OR2B2: variants seen among roughly 807,000 people sequenced by gnomAD.
OR2B2 encodes olfactory receptor 2B2.
For synonymous variants in OR2B2, 137 were observed against 150.9 expected, an observed-to-expected ratio of 0.91 and a Z score of 0.67; for missense variants, 362 against 422.4, an observed-to-expected ratio of 0.86 and a Z score of 1.25.
In OR2B2 at chr6:27,912,177, A is replaced by G; in HGVS notation, c.143T>C (p.Val48Ala). ...GTGGAGTTTGAAATCCACATGTGAC[A>G]CAAGAATTATTGTCAGATTGCCAAA... ...TIFGNLTIIL[V>A]SHVDFKLHTP... The change falls in exon 1 of 1, where the codon GTG becomes GCG. Residue 48 changes from valine to alanine, a missense_variant. Physicochemically the swap from Val to Ala is moderately conservative, Grantham distance 64. Coordinates refer to ENST00000303324, the MANE Select transcript of OR2B2 (RefSeq NM_033057.2). 4.3e-6 allele frequency: 7 copies of G among 1,614,256 alleles called. No homozygotes were observed. Among genetic ancestry groups the G allele is most frequent in the Non-Finnish European group, 4.2e-6 (5 of 1,180,036 alleles).
At position 27,911,580 on chromosome 6, in the gene OR2B2, A is replaced by G; in HGVS notation, c.740T>C (p.Val247Ala). The G allele has an allele frequency of 6.2e-7, 1 of 1,614,110 alleles. No individual in the cohort carries two copies. Among genetic ancestry groups the G allele is most frequent in the African/African-American group, 1.3e-5 (1 of 75,044 alleles). Residue 247 changes from valine to alanine, a missense_variant, in exon 1 of 1, where the codon GTG becomes GCG. Coordinates refer to ENST00000303324, the MANE Select transcript of OR2B2 (RefSeq NM_033057.2). ...AFGTCGSHLI[V>A]VSLFYGTAIS... ...AGCTGTACCATAAAAAAGTGACACCACAATTAGATGGGAGCCACATGTCCC... is the reference window on the plus strand; with the variant it reads ...AGCTGTACCATAAAAAAGTGACACCGCAATTAGATGGGAGCCACATGTCCC...
At position 27,911,756 on chromosome 6, in the gene OR2B2, G is replaced by A. The variant is rs772657263; in HGVS notation, c.564C>T (p.Ser188=). 8 of 1,613,486 alleles carry A rather than the reference G, an allele frequency of 5.0e-6. No homozygotes were observed. Among genetic ancestry groups the A allele is most frequent in the Middle Eastern group, 1.6e-4 (1 of 6,078 alleles). ...CCTCATTTGCTGTTGTGTCAACACAGGACAACTTGAGCAGAGCAGGGACTT... is the reference window on the plus strand; with the variant it reads ...CCTCATTTGCTGTTGTGTCAACACAAGACAACTTGAGCAGAGCAGGGACTT... ...FCEVPALLKL[S]CVDTTANEAE... The change falls in exon 1 of 1, where the codon TCC becomes TCT. Residue 188 remains serine (S), a synonymous_variant. Coordinates refer to ENST00000303324, the MANE Select transcript of OR2B2 (RefSeq NM_033057.2).
In OR2B2 at chr6:27,912,114, A is replaced by G; in HGVS notation, c.206T>C (p.Leu69Pro). ...MYFFLSNLSL[L>P]DLCYTTSTVP... ...TGTACTTGTGGTATAGCAAAGGTCCAGGAGTGAGAGATTGCTAAGAAAAAA... is the reference window on the plus strand; with the variant it reads ...TGTACTTGTGGTATAGCAAAGGTCCGGGAGTGAGAGATTGCTAAGAAAAAA... Residue 69 changes from leucine to proline, a missense_variant, in exon 1 of 1, where the codon CTG becomes CCG. Coordinates refer to ENST00000303324, the MANE Select transcript of OR2B2 (RefSeq NM_033057.2). 6.2e-7 allele frequency: 1 copy of G among 1,614,256 alleles called. No individual in the cohort carries two copies. Among genetic ancestry groups the G allele is most frequent in the South Asian group, 1.1e-5 (1 of 91,086 alleles).
In OR2B2 at chr6:27,911,965, A is replaced by G; in HGVS notation, c.355T>C (p.Cys119Arg). 6.2e-7 allele frequency: 1 copy of G among 1,614,228 alleles called. No individual in the cohort carries two copies. Among genetic ancestry groups the G allele is most frequent in the Non-Finnish European group, 8.5e-7 (1 of 1,180,040 alleles). Reference protein sequence around the residue: ...STECLLLAVMCFDRFVAICRP... With the variant: ...STECLLLAVMRFDRFVAICRP... ...CAAATAGCTACAAACCTATCAAAGC[A>G]CATGACGGCCAGGAGAAGACATTCT... Residue 119 changes from cysteine to arginine, a missense_variant, in exon 1 of 1, where the codon TGC (cysteine) becomes CGC (arginine). Coordinates refer to ENST00000303324, the MANE Select transcript of OR2B2 (RefSeq NM_033057.2).
rs184783783 is a variant in OR2B2, at chr6:27,911,582, A to T, written c.738T>A (p.Ile246=). 1.4e-4 allele frequency: 228 copies of T among 1,614,150 alleles called. 2 individuals carry two copies. The highest frequency in any genetic ancestry group is 1.0e-3 in the South Asian group (92 of 91,080). ...KAFGTCGSHL[I]VVSLFYGTAI... ...CTGTACCATAAAAAAGTGACACCAC[A>T]ATTAGATGGGAGCCACATGTCCCAA... Residue 246 remains isoleucine, a synonymous_variant, in exon 1 of 1, where the codon ATT becomes ATA. Transcript: ENST00000303324.
Position 27,912,019 on chromosome 6 carries a change from GC to G in OR2B2, c.300del (p.Gln100HisfsTer25), listed in dbSNP as rs1267514129. The G allele has an allele frequency of 1.2e-6, 2 of 1,614,214 alleles. No homozygotes were observed. The highest frequency in any genetic ancestry group is 1.7e-6 in the Non-Finnish European group (2 of 1,180,050). On this transcript the variant is annotated frameshift_variant, in exon 1 of 1. Coordinates refer to ENST00000303324, the MANE Select transcript of OR2B2 (RefSeq NM_033057.2). LOFTEE classifies it low-confidence loss of function (END_TRUNC). ...KVISYGGCVA[Q>X]LFIFLALGST... is the part of the protein sequence containing the mutation. ...GAACCCAAGGCCAGGAAAATGAAAAGCTGGGCCACACAGCCACCATAACTGA... is the reference window on the plus strand; with the variant it reads ...GAACCCAAGGCCAGGAAAATGAAAAGTGGGCCACACAGCCACCATAACTGA...
In OR2B2 at chr6:27,912,193, G is replaced by T. The variant is rs1306153235; in HGVS notation, c.127C>A (p.Leu43Met). 4.3e-6 allele frequency: 7 copies of T among 1,614,100 alleles called. No individual in the cohort carries two copies. The highest frequency in any genetic ancestry group is 5.9e-6 in the Non-Finnish European group (7 of 1,180,044). ...ACATGTGACACAAGAATTATTGTCA[G>T]ATTGCCAAAGATTGTCAAGATATAG... ...FSYILTIFGN[L>M]TIILVSHVDF... is the part of the protein sequence containing the mutation. Residue 43 changes from leucine (L) to methionine (M), a missense_variant, in exon 1 of 1, where the codon CTG (leucine) becomes ATG (methionine). Coordinates refer to ENST00000303324, the MANE Select transcript of OR2B2 (RefSeq NM_033057.2).
At position 27,911,673 on chromosome 6, in the gene OR2B2, A is replaced by G. The variant is rs1385046991; in HGVS notation, c.647T>C (p.Ile216Thr). The change falls in exon 1 of 1, where the codon ATA (isoleucine) becomes ACA (threonine). Residue 216 changes from isoleucine to threonine, a missense_variant. Transcript: ENST00000303324. Reference sequence around the variant, plus strand: ...TGCTTGGACAATAAAAGCATACGATATAAGGATGAGTGTCACGGGTATTAG... The same window carrying G: ...TGCTTGGACAATAAAAGCATACGATGTAAGGATGAGTGTCACGGGTATTAG... ...FLLIPVTLIL[I>T]SYAFIVQAVL... 6.2e-7 allele frequency: 1 copy of G among 1,614,076 alleles called. No homozygotes were observed. Among genetic ancestry groups the G allele is most frequent in the Non-Finnish European group, 8.5e-7 (1 of 1,179,992 alleles).
Position 27,911,361 on chromosome 6 carries a change from A to G in OR2B2, c.959T>C (p.Ile320Thr). The change falls in exon 1 of 1, where the codon ATA (isoleucine) becomes ACA (threonine). Residue 320 changes from isoleucine to threonine, a missense_variant. Coordinates refer to ENST00000303324, the MANE Select transcript of OR2B2 (RefSeq NM_033057.2). ...AAGCACTGTGTCTTTAGCAAAGCTT[A>G]TCATTTGCATATTTCTTATTTCTTG... ...LNQEIRNMQM[I>T]SFAKDTVLTY... The G allele has an allele frequency of 6.2e-7, 1 of 1,614,090 alleles. No individual in the cohort carries two copies. The highest frequency in any genetic ancestry group is 8.5e-7 in the Non-Finnish European group (1 of 1,179,964).
rs138657607 is a variant in OR2B2, at chr6:27,912,320, G to A, written c.-1C>T. On this transcript the variant is annotated 5_prime_UTR_variant, in exon 1 of 1. Transcript: ENST00000303324. Reference sequence around the variant, plus strand: ...GGACACTCTTATTTACCCAATTCATGTTAAATGGTTCAACTCTTCGTTCTC... The same window carrying A: ...GGACACTCTTATTTACCCAATTCATATTAAATGGTTCAACTCTTCGTTCTC... The A allele has an allele frequency of 6.4e-6, 10 of 1,554,428 alleles. No individual in the cohort carries two copies. The African/African-American group carries it at 1.4e-4, about 21-fold the overall frequency.
chr6:27,911,387 A>C lies in OR2B2; in HGVS notation c.933T>G (p.Asn311Lys), dbSNP rs753463297. 1.2e-6 allele frequency: 2 copies of C among 1,613,982 alleles called. No homozygotes were observed. ...FKRLVAKSLL[N>K]QEIRNMQMIS... ...TCATTTGCATATTTCTTATTTCTTG[A>C]TTAAGAAGACTCTTTGCAACCAACC... The change falls in exon 1 of 1, where the codon AAT becomes AAG. Residue 311 changes from asparagine to lysine, a missense_variant. By Grantham distance (94) the Asn-to-Lys change is moderately conservative. Coordinates refer to ENST00000303324, the MANE Select transcript of OR2B2 (RefSeq NM_033057.2).
Position 27,911,980 on chromosome 6 carries a change from GAAGA to G in OR2B2, c.336_339del (p.Leu113SerfsTer11). ...CTATCAAAGCACATGACGGCCAGGAGAAGACATTCTGTGGAACCCAAGGCCAGGA... is the reference window on the plus strand; with the variant it reads ...CTATCAAAGCACATGACGGCCAGGAGCATTCTGTGGAACCCAAGGCCAGGA... On this transcript the variant is annotated frameshift_variant, in exon 1 of 1. Transcript: ENST00000303324. LOFTEE classifies it low-confidence loss of function (END_TRUNC). 1 of 1,614,218 alleles carries G rather than the reference GAAGA, an allele frequency of 6.2e-7. No individual in the cohort carries two copies. The highest frequency in any genetic ancestry group is 8.5e-7 in the Non-Finnish European group (1 of 1,180,042).
Position 27,911,269 on chromosome 6 carries a change from G to T in OR2B2, c.1051C>A (p.Leu351Ile). 2 of 1,564,860 alleles carry T rather than the reference G, an allele frequency of 1.3e-6. No individual in the cohort carries two copies. Among genetic ancestry groups the T allele is most frequent in the Middle Eastern group, 1.7e-4 (1 of 5,826 alleles). Residue 351 changes from leucine (L) to isoleucine (I), a missense_variant, in exon 1 of 1, where the codon CTC (leucine) becomes ATC (isoleucine). Transcript: ENST00000303324. ...FVITIENYCN[L>I]PQRKFP Reference sequence around the variant, plus strand: ...TGTCAAGGAAATTTTCTTTGAGGGAGATTACAATAGTTTTCTATAGTAATG... The same window carrying T: ...TGTCAAGGAAATTTTCTTTGAGGGATATTACAATAGTTTTCTATAGTAATG...
rs759133730 is a variant in OR2B2 at position 27,911,610 on chromosome 6, G to A, written c.710C>T (p.Ala237Val). ...TAGATGGGAGCCACATGTCCCAAAT[G>A]CCTTTCGTTGACCTTCAGCAGACTG... ...RIQSAEGQRK[A>V]FGTCGSHLIV... The change falls in exon 1 of 1, where the codon GCA becomes GTA. Residue 237 changes from alanine to valine, a missense_variant. Ala to Val is a moderately conservative substitution (Grantham distance 64, BLOSUM62 0). Coordinates refer to ENST00000303324, the MANE Select transcript of OR2B2 (RefSeq NM_033057.2). 6.2e-7 allele frequency: 1 copy of A among 1,614,160 alleles called. No homozygotes were observed. Among genetic ancestry groups the A allele is most frequent in the Middle Eastern group, 1.6e-4 (1 of 6,062 alleles).
chr6:27,911,374 T>A lies in OR2B2; in HGVS notation c.946A>T (p.Asn316Tyr). 1 of 1,613,930 alleles carries A rather than the reference T, an allele frequency of 6.2e-7. No individual in the cohort carries two copies. Among genetic ancestry groups the A allele is most frequent in the East Asian group, 2.2e-5 (1 of 44,902 alleles). The stretch of plus-strand genomic sequence containing the variant: ...TTAGCAAAGCTTATCATTTGCATAT[T>A]TCTTATTTCTTGATTAAGAAGACTC... ...AKSLLNQEIRNMQMISFAKDT... is the reference protein window; with the variant it reads ...AKSLLNQEIRYMQMISFAKDT... The change falls in exon 1 of 1, where the codon AAT becomes TAT. Residue 316 changes from asparagine (N) to tyrosine (Y), a missense_variant. Coordinates refer to ENST00000303324, the MANE Select transcript of OR2B2 (RefSeq NM_033057.2).
rs1211870766 is a variant in OR2B2, at chr6:27,911,409, A to T, written c.911T>A (p.Leu304Ter). Residue 304 changes from leucine (L) to a stop codon, truncating the protein, a stop_gained, in exon 1 of 1, where the codon TTG becomes TAG. Transcript: ENST00000303324. LOFTEE classifies it low-confidence loss of function (END_TRUNC). The part of the protein sequence containing the change: ...NKEVKEAFKR[L>*]VAKSLLNQEI... The stretch of plus-strand genomic sequence containing the variant: ...TTGATTAAGAAGACTCTTTGCAACC[A>T]ACCTTTTAAAGGCTTCCTTTACCTC... 1.2e-6 allele frequency: 2 copies of T among 1,614,008 alleles called. No individual in the cohort carries two copies. The highest frequency in any genetic ancestry group is 2.7e-5 in the African/African-American group (2 of 74,930).
At position 27,911,274 on chromosome 6, in the gene OR2B2, C is replaced by A. The variant is rs780960606; in HGVS notation, c.1046G>T (p.Cys349Phe). ...AGGAAATTTTCTTTGAGGGAGATTA[C>A]AATAGTTTTCTATAGTAATGACAAA... ...PIFVITIENY[C>F]NLPQRKFP The change falls in exon 1 of 1, where the codon TGT becomes TTT. Residue 349 changes from cysteine to phenylalanine, a missense_variant. Transcript: ENST00000303324. 3 of 1,578,778 alleles carry A rather than the reference C, an allele frequency of 1.9e-6. No individual in the cohort carries two copies. The East Asian group carries it at 6.7e-5, about 35-fold the overall frequency.
At position 27,911,730 on chromosome 6, in the gene OR2B2, G is replaced by A. The variant is rs1762201118; in HGVS notation, c.590C>T (p.Ala197Val). 6.2e-7 allele frequency: 1 copy of A among 1,613,176 alleles called. No homozygotes were observed. Among genetic ancestry groups the A allele is most frequent in the African/African-American group, 1.3e-5 (1 of 74,908 alleles). Residue 197 changes from alanine to valine, a missense_variant, in exon 1 of 1, where the codon GCT becomes GTT. Transcript: ENST00000303324. ...LSCVDTTANE[A>V]ELFFISVLFL... is the part of the protein sequence containing the mutation. ...TAGCACACTGATGAAGAATAGTTCA[G>A]CCTCATTTGCTGTTGTGTCAACACA...
Position 27,911,213 on chromosome 6 carries a change from T to C in OR2B2, c.*33A>G, listed in dbSNP as rs760829378. 2.2e-6 allele frequency: 3 copies of C among 1,362,572 alleles called. No homozygotes were observed. Among genetic ancestry groups the C allele is most frequent in the Admixed American group, 4.5e-5 (2 of 44,466 alleles). The allele number at this position is 1,362,572 out of a possible 1,614,324, so 84.4% of individuals were successfully genotyped here. A position where few individuals can be genotyped will look rare whatever the true frequency, so the allele number is the denominator to read the frequency against. On this transcript the variant is annotated 3_prime_UTR_variant, in exon 1 of 1. Coordinates refer to ENST00000303324, the MANE Select transcript of OR2B2 (RefSeq NM_033057.2). ...ATTCTGGGGGCTTGTTCAATGAAAATGTTTAGGCAACAGAAACAAATATAG... is the reference window on the plus strand; with the variant it reads ...ATTCTGGGGGCTTGTTCAATGAAAACGTTTAGGCAACAGAAACAAATATAG...
Sources: allele counts gnomAD v4.1 joint callset, GRCh38; gene constraint gnomAD v4.1.1; transcripts MANE v1.5; gene names NCBI Gene and HGNC (gene_info 2026-07-23, HGNC 2026-07-21).